DYNC1I1: variants seen among roughly 807,000 people sequenced by gnomAD.
DYNC1I1 encodes the protein cytoplasmic dynein 1 intermediate chain 1.
Under a neutral mutation model 86.6 loss-of-function variants are expected in DYNC1I1, and 43 were observed. The ratio of observed to expected loss-of-function variants is 0.50; its 90% confidence interval spans 0.39 to 0.64. DYNC1I1 has a LOEUF of 0.64. Among genes scored for constraint, DYNC1I1 ranks in the 30% least tolerant of loss-of-function variants. The pLI, the probability that DYNC1I1 is intolerant of heterozygous loss-of-function variation, is 0.00. For missense variants in DYNC1I1, 604 were observed against 788.8 expected (o/e 0.77, Z 2.81); for synonymous variants, 262 against 283.7 (o/e 0.92, Z 0.77).
At chr7:95,794,301 T>G (rs567554052) in intron 1 of DYNC1I1, among the ~76,000 whole-genome samples, 65 of 152,286 alleles carry the variant, frequency 4.3e-4, no homozygotes, top group Non-Finnish European at 7.8e-4. Context: ...ATCTTTAGTT[T>G]TATACTCTTT....
intron 4 of DYNC1I1, chr7:95,818,712 C>CA: frequency 2.3e-6 from 1 of 426,264 alleles, no homozygotes; most frequent in Non-Finnish European, 4.2e-6. Context: ...TATAAATGAG[C>CA]AAAAATAACA....
intron 16 of DYNC1I1, among the ~76,000 whole-genome samples, chr7:96,108,988 T>C (rs1478876375): frequency 1.3e-5 from 2 of 152,188 alleles, no homozygotes; most frequent in Non-Finnish European, 2.9e-5. Flanking sequence ...TCATCCATGT[T>C]GTTTCATTTA....
At chr7:95,958,427 C>G (rs1395408784) in intron 6 of DYNC1I1, among the ~76,000 whole-genome samples, 1 of 152,008 alleles carries the variant, frequency 6.6e-6, no homozygotes, top group Admixed American at 6.6e-5. Flanking sequence ...TCTGTCTCTA[C>G]AAATGTTTTT....
chr7:96,098,499 G>A, downstream of DYNC1I1: 1 of 871,452 alleles, frequency 1.1e-6, no homozygotes, highest in African/African-American at 1.8e-5. Flanking sequence ...AGAGATGGGA[G>A]AGATACATTA....
intron 1 of DYNC1I1, among the ~76,000 whole-genome samples, chr7:95,787,713 C>T (rs948360191): frequency 4.6e-5 from 7 of 152,034 alleles, no homozygotes; most frequent in African/African-American, 1.5e-4. Context: ...TGGAGGTTAA[C>T]GTCTAAAAGG....
chr7:96,107,415 T>C (rs1476377323), intron 16 of DYNC1I1, among the ~76,000 whole-genome samples: 1 of 152,158 alleles, frequency 6.6e-6, no homozygotes, highest in African/African-American at 2.4e-5. Context: ...TTATTATTAT[T>C]ATGAAATCAC....
intron 14 of DYNC1I1, among the ~76,000 whole-genome samples, chr7:96,047,295 A>G (rs1005850586): frequency 6.6e-6 from 1 of 152,172 alleles, no homozygotes; most frequent in Non-Finnish European, 1.5e-5. Context: ...TATTCAATTG[A>G]CAGCGTAATA....
At chr7:96,104,507 C>T (rs1791185622) in intron 16 of DYNC1I1, among the ~76,000 whole-genome samples, 1 of 151,908 alleles carries the variant, frequency 6.6e-6, no homozygotes. Context: ...TAGCTTTTAC[C>T]TTTAGGTCGA....
At chr7:95,877,801 G>C (rs1790348019) in intron 6 of DYNC1I1, among the ~76,000 whole-genome samples, 1 of 152,236 alleles carries the variant, frequency 6.6e-6, no homozygotes, top group Non-Finnish European at 1.5e-5. Flanking sequence ...TCAACCTGTG[G>C]AGAAAATTGT....
intron 10 of DYNC1I1, among the ~76,000 whole-genome samples, chr7:96,009,797 A>C (rs962629595): frequency 6.6e-6 from 1 of 151,086 alleles, no homozygotes; most frequent in Admixed American, 6.6e-5. Flanking sequence ...TTTTTTTTTA[A>C]GACGGAGTTT....
chr7:95,942,928 C>G (rs1345445792), intron 6 of DYNC1I1, among the ~76,000 whole-genome samples: 1 of 145,780 alleles, frequency 6.9e-6, no homozygotes, highest in Non-Finnish European at 1.5e-5. Flanking sequence ...ACTGAATGGG[C>G]AAAAACTGGA....
At chr7:96,110,301 C>T (rs1030942365), downstream of DYNC1I1, 1 of 183,152 alleles carries the variant, frequency 5.5e-6, no homozygotes, top group African/African-American at 2.4e-5. Flanking sequence ...AGTAATAATC[C>T]TTTTTCTTAA....
At chr7:95,903,560 A>G (rs1287428214) in intron 6 of DYNC1I1, among the ~76,000 whole-genome samples, 2 of 152,228 alleles carry the variant, frequency 1.3e-5, no homozygotes, top group East Asian at 1.9e-4. Context: ...AATGTTTGCA[A>G]TGTTTCAGCT....
At chr7:95,961,849 G>C (rs1455797021) in intron 6 of DYNC1I1, among the ~76,000 whole-genome samples, 1 of 152,116 alleles carries the variant, frequency 6.6e-6, no homozygotes, top group Admixed American at 6.6e-5. Context: ...AAAACTGAAG[G>C]CCTTAGCCTA....
intron 6 of DYNC1I1, among the ~76,000 whole-genome samples, chr7:95,923,797 T>C (rs1485957976): frequency 2.0e-5 from 3 of 152,158 alleles, no homozygotes; most frequent in Non-Finnish European, 4.4e-5. Flanking sequence ...ATAACATCAT[T>C]GTACAAATGG....
chr7:95,981,509 C>A (rs1033738189), intron 7 of DYNC1I1, among the ~76,000 whole-genome samples: 8 of 152,000 alleles, frequency 5.3e-5, no homozygotes, highest in South Asian at 2.1e-4. Flanking sequence ...TGTAAAATTT[C>A]TTTCATACAT....
intron 16 of DYNC1I1, among the ~76,000 whole-genome samples, chr7:96,092,677 G>A (rs1317263248): frequency 2.0e-5 from 3 of 152,176 alleles, no homozygotes; most frequent in Non-Finnish European, 4.4e-5. Flanking sequence ...AGTCCACTCA[G>A]GCAGAGAGGA....
In DYNC1I1 at chr7:95,918,345, G is replaced by A. The variant is rs555378172; in HGVS notation, c.490+48347G>A. Among the ~76,000 whole-genome samples, 7 of 152,274 alleles carry A rather than the reference G, an allele frequency of 4.6e-5. No individual in the cohort carries two copies. In the South Asian group the frequency reaches 6.2e-4, roughly 14 times the overall value. On this transcript the variant is annotated intron_variant, in intron 6 of 16. Transcript: ENST00000447467. Reference sequence around the variant, plus strand: ...CTGCCTGGTGTGGTTTTTTGTTGGTGTTGTTGTTCCTGTGGGTCTGTAGTT... The same window carrying A: ...CTGCCTGGTGTGGTTTTTTGTTGGTATTGTTGTTCCTGTGGGTCTGTAGTT...
In DYNC1I1 at chr7:95,813,266, C is replaced by T. The variant is rs1206527666; in HGVS notation, c.243C>T (p.Pro81=). 3 of 1,612,884 alleles carry T rather than the reference C, an allele frequency of 1.9e-6. No homozygotes were observed. The highest frequency in any genetic ancestry group is 2.5e-6 in the Non-Finnish European group (3 of 1,179,536). ...ATTTAGTCCCAACCCCTATGTCTCC[C>T]TCCTCGAAATCAGTGAGCACTCCCA... The part of the protein sequence containing the change: ...EPPLVPTPMS[P]SSKSVSTPSE... The change falls in exon 4 of 17, where the codon CCC becomes CCT. Residue 81 remains proline (P), a synonymous_variant. Coordinates refer to ENST00000447467, the MANE Select transcript of DYNC1I1 (RefSeq NM_001135556.2).
Sources: allele counts gnomAD v4.1 joint callset (sites outside exome capture counted in the v4.1 genomes callset), GRCh38; gene constraint gnomAD v4.1.1; transcripts MANE v1.5; gene names NCBI Gene and HGNC (gene_info 2026-07-23, HGNC 2026-07-21).